The following DPP6 variants were observed in gnomAD, a reference collection of about 807,000 sequenced individuals.
DPP6 encodes the protein A-type potassium channel modulatory protein DPP6.
Under a neutral mutation model 122.6 loss-of-function variants are expected in DPP6, and 69 were observed. The observed-to-expected ratio is 0.56, with a 90% CI of 0.46 to 0.69. DPP6 has a LOEUF of 0.69. Among genes scored for constraint, DPP6 ranks in the 30% least tolerant of loss-of-function variants. The pLI is 0.00. For missense variants in DPP6, 928 were observed against 1,116.9 expected, an observed-to-expected ratio of 0.83 and a Z score of 2.41; for synonymous variants, 418 against 433.1, an observed-to-expected ratio of 0.97 and a Z score of 0.43.
intron 1 of DPP6, among the ~76,000 whole-genome samples, chr7:154,438,741 T>C (rs1409270321): frequency 6.6e-6 from 1 of 152,166 alleles, no homozygotes; most frequent in Non-Finnish European, 1.5e-5. Flanking sequence ...TTTGGAATCT[T>C]TACACCATAT....
intron 1 of DPP6, among the ~76,000 whole-genome samples, chr7:153,908,726 A>G (rs999404928): frequency 1.3e-5 from 2 of 152,158 alleles, no homozygotes; most frequent in Non-Finnish European, 2.9e-5. Context: ...GTGAATGAAA[A>G]TATGAATGGT....
intron 16 of DPP6, among the ~76,000 whole-genome samples, chr7:154,841,963 T>G (rs1801586275): frequency 6.6e-6 from 1 of 152,182 alleles, no homozygotes; most frequent in South Asian, 2.1e-4. Context: ...GTCGGCAGTG[T>G]TGACTAGGAA....
At chr7:154,162,270 A>G (rs1273350623) in intron 1 of DPP6, among the ~76,000 whole-genome samples, 3 of 152,128 alleles carry the variant, frequency 2.0e-5, no homozygotes, top group Admixed American at 6.5e-5. Flanking sequence ...GAGATTCACC[A>G]TACAAGCTCC....
intron 7 of DPP6, among the ~76,000 whole-genome samples, chr7:154,727,405 A>G (rs1842117146): frequency 6.6e-6 from 1 of 152,116 alleles, no homozygotes; most frequent in African/African-American, 2.4e-5. Flanking sequence ...TGATCCAGTC[A>G]CCTCCTACCA....
In DPP6 at chr7:154,790,622, C is replaced by T. The variant is rs927449334; in HGVS notation, c.1137-3457C>T. On this transcript the variant is annotated intron_variant, in intron 10 of 25. Coordinates refer to ENST00000377770, the MANE Select transcript of DPP6 (RefSeq NM_130797.4). ...CAAATGAAGAAACTGAGGGTTGAAG[C>T]ACCGTATAGAATTAATTGTAGAACC... Among the ~76,000 whole-genome samples, 3 of 151,996 alleles carry T rather than the reference C, an allele frequency of 2.0e-5. No homozygotes were observed. In the East Asian group the frequency reaches 5.8e-4, roughly 29 times the overall value.
At chr7:154,324,867 A>ATTTTTTTTTTTTTTT in intron 1 of DPP6, among the ~76,000 whole-genome samples, 1 of 113,090 alleles carries the variant, frequency 8.8e-6, no homozygotes, top group Non-Finnish European at 1.7e-5. Flanking sequence ...TCCTTTTGTT[A>ATTTTTTTTTTTTTTT]TTTTTTTTTT....
chr7:154,572,967 A>C (rs1233051375), intron 5 of DPP6, among the ~76,000 whole-genome samples: 3 of 152,132 alleles, frequency 2.0e-5, no homozygotes, highest in Non-Finnish European at 2.9e-5. Context: ...GGGGTGAGCC[A>C]CCACACCTGG....
intron 2 of DPP6, among the ~76,000 whole-genome samples, chr7:154,455,793 T>C (rs1156461887): frequency 1.3e-5 from 2 of 152,188 alleles, no homozygotes; most frequent in Non-Finnish European, 2.9e-5. Context: ...TCTACATATT[T>C]ATCTATAAAT....
At chr7:153,760,304 T>G in the DPP6 span, among the ~76,000 whole-genome samples, 2 of 152,302 alleles carry the variant, frequency 1.3e-5, no homozygotes, top group East Asian at 3.9e-4. Flanking sequence ...TTTGCACATA[T>G]GGAATTCAGC....
the DPP6 span, among the ~76,000 whole-genome samples, chr7:153,876,381 T>C: frequency 7.6e-6 from 1 of 131,298 alleles, no homozygotes; most frequent in African/African-American, 2.9e-5. Flanking sequence ...ATTGCCCAAA[T>C]TGACCGTATG....
intron 1 of DPP6, among the ~76,000 whole-genome samples, chr7:154,100,735 G>T (rs1335674706): frequency 1.0e-5 from 1 of 99,058 alleles, no homozygotes; most frequent in Non-Finnish European, 2.1e-5. Context: ...CCCTCCCCAC[G>T]CCAGCAGTTA....
chr7:154,470,768 G>A (rs1822194626), intron 2 of DPP6, among the ~76,000 whole-genome samples: 1 of 152,162 alleles, frequency 6.6e-6, no homozygotes. Context: ...TAAAGGGCTG[G>A]AAGGAACTTT....
intron 1 of DPP6, among the ~76,000 whole-genome samples, chr7:153,924,658 C>T (rs1414606089): frequency 2.6e-5 from 4 of 152,156 alleles, no homozygotes; most frequent in East Asian, 1.9e-4. Flanking sequence ...CAACTGTGGT[C>T]GTGGCGGTTG....
At chr7:153,887,526 C>G (rs955341757) in exon 1 of DPP6, 4 of 727,852 alleles carry the variant, frequency 5.5e-6, no homozygotes, top group Non-Finnish European at 9.5e-6. Flanking sequence ...CAGGGGTGCG[C>G]GGAGGTGAGA....
intron 1 of DPP6, among the ~76,000 whole-genome samples, chr7:154,182,705 G>C (rs1005482791): frequency 6.6e-6 from 1 of 152,056 alleles, no homozygotes; most frequent in African/African-American, 2.4e-5. Flanking sequence ...TTTGTGCTGT[G>C]TCTCTCGGTG....
Position 154,760,407 on chromosome 7 carries a change from G to C in DPP6, c.884-9010G>C, listed in dbSNP as rs35768866. ...GCAAGCTCATTCTGCACAGACCCCA[G>C]TTGACCAACTTGGTTCTGACAGACT... On this transcript the variant is annotated intron_variant, in intron 8 of 25. Transcript: ENST00000377770. The surrounding 1 kb of genome is among the most constrained non-coding windows in gnomAD (Gnocchi z 4.5). 0.018 allele frequency among the ~76,000 whole-genome samples: 2,809 copies of C among 152,182 alleles called. 35 individuals are homozygous for C. The highest frequency in any genetic ancestry group is 0.027 in the Non-Finnish European group (1,828 of 68,008).
At chr7:154,839,197 G>T (rs1444019857) in intron 16 of DPP6, among the ~76,000 whole-genome samples, 2 of 152,244 alleles carry the variant, frequency 1.3e-5, no homozygotes, top group African/African-American at 4.8e-5. Context: ...ACTATGTGAT[G>T]CTCAGAACAG....
chr7:154,277,822 A>G (rs1804238340), intron 1 of DPP6, among the ~76,000 whole-genome samples: 1 of 152,234 alleles, frequency 6.6e-6, no homozygotes, highest in Admixed American at 6.5e-5. Flanking sequence ...CTCTTGCTCC[A>G]GCAGTTCTGA....
intron 1 of DPP6, among the ~76,000 whole-genome samples, chr7:153,959,147 C>T (rs559673012): frequency 2.7e-4 from 38 of 142,978 alleles, no homozygotes; most frequent in African/African-American, 9.1e-4. Context: ...AAGAGAATGA[C>T]AATAACAATA....
Sources: gnomAD v4.1 joint callset for allele counts (sites outside exome capture counted in the v4.1 genomes callset) on GRCh38, gnomAD v4.1.1 for gene constraint, Gnocchi (gnomAD v3.1) non-coding constraint, MANE v1.5 for transcripts, NCBI Gene and HGNC (gene_info 2026-07-23, HGNC 2026-07-21) for gene names.